The following HAVCR1 variants were observed in gnomAD, a reference collection of about 807,000 sequenced individuals.
The protein encoded by HAVCR1 is T cell immunoglobin domain and mucin domain protein 1.
A neutral mutation model predicts 32.0 loss-of-function variants in HAVCR1; 34 were observed. The observed-to-expected ratio is 1.06, with a 90% CI of 0.81 to 1.42. The LOEUF (loss-of-function observed/expected upper bound fraction) is 1.42. HAVCR1 is among the 40% of genes most tolerant of loss of function. The pLI, the probability that HAVCR1 is intolerant of heterozygous loss-of-function variation, is 0.00. For synonymous variants in HAVCR1, 178 were observed against 170.3 expected, an observed-to-expected ratio of 1.05 and a Z score of -0.35; for missense variants, 420 against 442.3, an observed-to-expected ratio of 0.95 and a Z score of 0.45.
rs1212605920 is a variant in HAVCR1 at position 157,049,044 on chromosome 5, T to C, written c.775A>G (p.Thr259Ala). The C allele has an allele frequency of 2.6e-6, 4 of 1,568,456 alleles. No homozygotes were observed. Among genetic ancestry groups the C allele is most frequent in the Non-Finnish European group, 3.5e-6 (4 of 1,138,408 alleles). ...GGAAAGAGAACGCAGTTACCTGTTGTGTAAGAGTACAATGGTGAGCTGGTG... is the reference window on the plus strand; with the variant it reads ...GGAAAGAGAACGCAGTTACCTGTTGCGTAAGAGTACAATGGTGAGCTGGTG... ...EPTSSPLYSY[T>A]TDGNDTVTES... Residue 259 changes from threonine to alanine, a missense_variant, in exon 5 of 9, where the codon ACA becomes GCA. Transcript: ENST00000523175.
chr5:157,055,703 TA>T (rs200397976), intron 2 of HAVCR1, among the ~76,000 whole-genome samples, 170 bp from the exon 3 acceptor site: 11 of 149,020 alleles, frequency 7.4e-5, no homozygotes, highest in East Asian at 2.0e-4. Flanking sequence ...CGATCTCTAC[TA>T]AAAAAAAAAT....
At chr5:157,057,386 G>GAAA (rs1491314357) in intron 2 of HAVCR1, among the ~76,000 whole-genome samples, 1 of 79,442 alleles carries the variant, frequency 1.3e-5, no homozygotes, top group African/African-American at 5.8e-5. Context: ...GAGAGAGAGA[G>GAAA]GAAAGAAAGA....
chr5:157,055,929 T>G (rs1756105974), intron 2 of HAVCR1, among the ~76,000 whole-genome samples: 1 of 151,984 alleles, frequency 6.6e-6, no homozygotes, highest in Admixed American at 6.6e-5. Flanking sequence ...AAAAAATATT[T>G]TATTCATTTT....
intron 8 of HAVCR1, among the ~76,000 whole-genome samples, chr5:157,032,254 C>T (rs1754222055): frequency 6.6e-6 from 1 of 152,148 alleles, no homozygotes; most frequent in Admixed American, 6.5e-5. Flanking sequence ...CGCGGTGGCT[C>T]ATGTCTGTAA....
At chr5:157,049,564 G>A (rs1383975903) in intron 4 of HAVCR1, among the ~76,000 whole-genome samples, 1 of 152,076 alleles carries the variant, frequency 6.6e-6, no homozygotes, top group Non-Finnish European at 1.5e-5. Context: ...CAGAAAATGG[G>A]GGCTTAGGAA....
intron 2 of HAVCR1, among the ~76,000 whole-genome samples, chr5:157,057,362 A>AGAGAGAGAG (rs1756221055): frequency 7.7e-6 from 1 of 130,006 alleles, no homozygotes; most frequent in African/African-American, 3.3e-5. Flanking sequence ...AGACCTCATG[A>AGAGAGAGAG]AGAGAGAGAG....
intron 5 of HAVCR1, among the ~76,000 whole-genome samples, chr5:157,046,689 T>A (rs951109730): frequency 1.3e-5 from 2 of 152,196 alleles, no homozygotes; most frequent in Non-Finnish European, 2.9e-5. Flanking sequence ...GATTACTCAA[T>A]CTAGTGAGGG....
upstream of HAVCR1, among the ~76,000 whole-genome samples, chr5:157,063,422 A>T (rs1344409049): frequency 6.6e-6 from 1 of 151,434 alleles, no homozygotes; most frequent in African/African-American, 2.4e-5. Flanking sequence ...AGAAGCTGGG[A>T]TTACAGGCAT....
At chr5:157,057,419 G>T (rs151302728) in intron 2 of HAVCR1, among the ~76,000 whole-genome samples, 195 of 141,962 alleles carry the variant, frequency 1.4e-3, no homozygotes, top group African/African-American at 4.8e-3. Flanking sequence ...AAGAAAGAAA[G>T]AAAGAAAGAA....
intron 5 of HAVCR1, among the ~76,000 whole-genome samples, chr5:157,048,287 T>G (rs879233496): frequency 2.0e-5 from 3 of 152,132 alleles, no homozygotes; most frequent in African/African-American, 7.2e-5. Flanking sequence ...AGGAATCAAG[T>G]CAAAATAATA....
chr5:157,039,992 CT>C (rs1263514664), intron 6 of HAVCR1, among the ~76,000 whole-genome samples: 1 of 152,170 alleles, frequency 6.6e-6, no homozygotes, highest in African/African-American at 2.4e-5. Context: ...CTGTAGGTAA[CT>C]GAGACCAAGA....
In HAVCR1 at chr5:157,034,720, C is replaced by T. The variant is rs555158514; in HGVS notation, c.953-1833G>A. ...GCAGTGCATTTTGTCCCTGGGTACT[C>T]GAGACTGGAGAATGGCGATGACTTT... On this transcript the variant is annotated intron_variant, in intron 7 of 8. Transcript: ENST00000523175. Among the ~76,000 whole-genome samples the T allele has an allele frequency of 5.9e-5, 9 of 152,138 alleles. No homozygotes were observed. The East Asian group carries it at 1.4e-3, about 23-fold the overall frequency.
intron 6 of HAVCR1, among the ~76,000 whole-genome samples, 182 bp downstream of exon 6, chr5:157,042,441 CAAAA>C (rs144701880): frequency 8.8e-5 from 10 of 113,302 alleles, no homozygotes; most frequent in Admixed American, 2.9e-4. Context: ...GACTCCGTCT[CAAAA>C]AAAAAAAAAA....
chr5:157,058,187 G>T, intron 1 of HAVCR1: 1 of 465,636 alleles, frequency 2.1e-6, no homozygotes, highest in South Asian at 3.0e-5. Flanking sequence ...CACAGAAACA[G>T]CCCCTGACTT....
At chr5:157,063,798 C>G (rs1385303906), upstream of HAVCR1, among the ~76,000 whole-genome samples, 1 of 152,192 alleles carries the variant, frequency 6.6e-6, no homozygotes, top group Non-Finnish European at 1.5e-5. Flanking sequence ...GTCTCTATTA[C>G]TTTCACCAAG....
chr5:157,048,495 T>C (rs991848001), intron 5 of HAVCR1, among the ~76,000 whole-genome samples: 11 of 152,198 alleles, frequency 7.2e-5, no homozygotes, highest in African/African-American at 2.4e-4. Flanking sequence ...CATTTGATCC[T>C]CACAAGCATT....
upstream of HAVCR1, among the ~76,000 whole-genome samples, chr5:157,061,141 G>T (rs930250610): frequency 6.6e-6 from 1 of 151,856 alleles, no homozygotes; most frequent in African/African-American, 2.4e-5. Context: ...CAAGTGATAC[G>T]CTCATCTCAA....
rs746027499 is a variant in HAVCR1 at position 157,037,327 on chromosome 5, T to C, written c.872A>G (p.Asn291Ser). The C allele has an allele frequency of 1.1e-5, 17 of 1,594,214 alleles. No individual in the cohort carries two copies. In the Middle Eastern group the frequency reaches 6.7e-4, roughly 62 times the overall value. ...TCCAGCATAGATTCCTTTAGTGGTA[T>C]TGGCCGTCAGTAGACTATGTTCTAG... Reference protein sequence around the residue: ...LFLEHSLLTANTTKGIYAGVC... With the variant: ...LFLEHSLLTASTTKGIYAGVC... The change falls in exon 7 of 9, where the codon AAT becomes AGT. Residue 291 changes from asparagine to serine, a missense_variant. Coordinates refer to ENST00000523175, the MANE Select transcript of HAVCR1 (RefSeq NM_001173393.3).
intron 5 of HAVCR1, 82 bp from the exon 6 acceptor site, chr5:157,042,764 C>T: frequency 1.2e-6 from 1 of 834,186 alleles, no homozygotes; most frequent in African/African-American, 1.7e-5. Flanking sequence ...TTCACATTAC[C>T]TTCTGGCGAT....
Sources: allele counts gnomAD v4.1 joint callset (sites outside exome capture counted in the v4.1 genomes callset), GRCh38; gene constraint gnomAD v4.1.1; transcripts MANE v1.5; gene names NCBI Gene and HGNC (gene_info 2026-07-23, HGNC 2026-07-21).